The following CCDC150 variants were observed in gnomAD, a reference collection of about 807,000 sequenced individuals.
CCDC150 encodes coiled-coil domain-containing protein 150.
Under a neutral mutation model 156.5 loss-of-function variants are expected in CCDC150, and 151 were observed. The ratio of observed to expected loss-of-function variants is 0.97; its 90% CI spans 0.85 to 1.10. The LOEUF (loss-of-function observed/expected upper bound fraction) is 1.10. Ranked by LOEUF, CCDC150 falls within the 50% of genes least tolerant of loss-of-function variation. The pLI is 0.00. For synonymous variants in CCDC150, 452 were observed against 429.4 expected, an observed-to-expected ratio of 1.05 and a Z score of -0.65; for missense variants, 1,312 against 1,268.1, an observed-to-expected ratio of 1.03 and a Z score of -0.53.
intron 8 of CCDC150, among the ~76,000 whole-genome samples, 193 bp from the exon 9 acceptor site, chr2:196,672,152 T>C (rs1247749682): frequency 1.3e-5 from 2 of 152,166 alleles, no homozygotes. Flanking sequence ...GATAAATAGT[T>C]TTGAAATAAA....
chr2:196,653,263 A>AT (rs1692986629), intron 2 of CCDC150, among the ~76,000 whole-genome samples: 2 of 152,162 alleles, frequency 1.3e-5, no homozygotes, highest in Non-Finnish European at 2.9e-5. Context: ...AATTTTCCAA[A>AT]TTTTTATACT....
intron 22 of CCDC150, 81 bp downstream of exon 22, chr2:196,726,180 T>A: frequency 6.6e-7 from 1 of 1,505,192 alleles, no homozygotes; most frequent in Non-Finnish European, 9.1e-7. Context: ...ATGGCTACAG[T>A]TGTTCTTTGA....
chr2:196,670,339 G>A (rs995872707), intron 8 of CCDC150, among the ~76,000 whole-genome samples: 3 of 151,924 alleles, frequency 2.0e-5, no homozygotes, highest in Non-Finnish European at 2.9e-5. Flanking sequence ...TTGATGTGTC[G>A]ATTCTACTTC....
chr2:196,690,968 G>T (rs989501546), intron 13 of CCDC150, among the ~76,000 whole-genome samples: 1 of 152,066 alleles, frequency 6.6e-6, no homozygotes, highest in Non-Finnish European at 1.5e-5. Flanking sequence ...ATAATCATGT[G>T]GTTTTTCTCT....
chr2:196,705,399 T>C (rs1696549128), intron 15 of CCDC150, among the ~76,000 whole-genome samples: 1 of 152,146 alleles, frequency 6.6e-6, no homozygotes, highest in Non-Finnish European at 1.5e-5. Flanking sequence ...TTTGATGGGG[T>C]TGTTTTCTTG....
chr2:196,661,032 C>T (rs1218871204), intron 5 of CCDC150, among the ~76,000 whole-genome samples: 5 of 152,100 alleles, frequency 3.3e-5, no homozygotes, highest in Admixed American at 6.6e-5. Context: ...CCAGTGTTTC[C>T]AGCACCATTT....
chr2:196,687,116 G>A (rs1305633412), intron 13 of CCDC150, among the ~76,000 whole-genome samples: 7 of 152,040 alleles, frequency 4.6e-5, no homozygotes, highest in Admixed American at 3.3e-4. Context: ...TATTCCTTTG[G>A]GTATATACCC....
intron 17 of CCDC150, among the ~76,000 whole-genome samples, chr2:196,715,743 A>C (rs1199154061): frequency 1.3e-5 from 2 of 152,190 alleles, no homozygotes; most frequent in Non-Finnish European, 2.9e-5. Context: ...GTAAACCCTG[A>C]AACTGTAAAA....
At chr2:196,649,117 G>C (rs1303365744) in intron 2 of CCDC150, among the ~76,000 whole-genome samples, 3 of 152,084 alleles carry the variant, frequency 2.0e-5, no homozygotes, top group Admixed American at 1.3e-4. Flanking sequence ...TGGCTATTTT[G>C]GGGGTCTTTT....
Position 196,657,110 on chromosome 2 carries a change from A to C in CCDC150, c.550A>C (p.Thr184Pro). 1 of 1,613,754 alleles carries C rather than the reference A, an allele frequency of 6.2e-7. No individual in the cohort carries two copies. The highest frequency in any genetic ancestry group is 8.5e-7 in the Non-Finnish European group (1 of 1,179,716). The change falls in exon 4 of 28, where the codon ACT becomes CCT. Residue 184 changes from threonine to proline, a missense_variant. Transcript: ENST00000389175. ...AGATGAGGTGCAAAGGTTGACTGCC[A>C]CTCTGAAGATTGCCTCGCAGACAAA... The part of the protein sequence containing the change: ...AQDEVQRLTA[T>P]LKIASQTKKN...
intron 14 of CCDC150, among the ~76,000 whole-genome samples, chr2:196,698,440 A>G (rs1695960588): frequency 6.6e-6 from 1 of 152,188 alleles, no homozygotes; most frequent in Non-Finnish European, 1.5e-5. Flanking sequence ...AATTGTATTG[A>G]TAGGGAAAAA....
intron 2 of CCDC150, among the ~76,000 whole-genome samples, chr2:196,651,269 T>G (rs1341520040): frequency 6.6e-6 from 1 of 152,216 alleles, no homozygotes; most frequent in Non-Finnish European, 1.5e-5. Context: ...CTATAGTTGT[T>G]TTTATTAGTT....
intron 13 of CCDC150, among the ~76,000 whole-genome samples, chr2:196,690,418 A>C (rs1020490079): frequency 1.3e-5 from 2 of 152,200 alleles, no homozygotes; most frequent in African/African-American, 4.8e-5. Flanking sequence ...AAACGTTTTA[A>C]TTGTACATAT....
In CCDC150 at chr2:196,639,784, G is replaced by T. The variant is rs780514576; in HGVS notation, c.12+6G>T. 1 of 1,578,778 alleles carries T rather than the reference G, an allele frequency of 6.3e-7. No homozygotes were observed. Among genetic ancestry groups the T allele is most frequent in the South Asian group, 1.2e-5 (1 of 85,968 alleles). ...GCGGACAGATGGACTGTAAGGTGAG[G>T]CTGCCGGGCCCCGGGCTGGTGAGGG... On this transcript the variant is annotated splice_donor_region_variant and intron_variant, in intron 1 of 27. Coordinates refer to ENST00000389175, the MANE Select transcript of CCDC150 (RefSeq NM_001080539.2).
intron 5 of CCDC150, among the ~76,000 whole-genome samples, chr2:196,665,283 CT>C (rs1038605544): frequency 1.1e-4 from 16 of 152,072 alleles, no homozygotes; most frequent in Non-Finnish European, 1.9e-4. Flanking sequence ...TTATTTTTTC[CT>C]TTTTCTGAGT....
At position 196,709,543 on chromosome 2, in the gene CCDC150, C is replaced by T. The variant is rs376237338; in HGVS notation, c.1696-2602C>T. Among the ~76,000 whole-genome samples the T allele has an allele frequency of 2.8e-4, 42 of 152,244 alleles. No homozygotes were observed. In the East Asian group the frequency reaches 3.1e-3, roughly 11 times the overall value. On this transcript the variant is annotated intron_variant, in intron 15 of 27. Transcript: ENST00000389175. ...AGTCATTCTCTGTCCAGCTTTGTTCCGTTGCTGGTGAGGAGCTGTGATCCT... is the reference window on the plus strand; with the variant it reads ...AGTCATTCTCTGTCCAGCTTTGTTCTGTTGCTGGTGAGGAGCTGTGATCCT...
chr2:196,709,723 A>C (rs564769278), intron 15 of CCDC150, among the ~76,000 whole-genome samples: 1 of 152,242 alleles, frequency 6.6e-6, no homozygotes, highest in South Asian at 2.1e-4. Flanking sequence ...TGTTGATGCT[A>C]TTCCTTTTTG....
Position 196,701,102 on chromosome 2 carries a change from T to G in CCDC150, c.1624-7T>G, listed in dbSNP as rs1696175400. The G allele has an allele frequency of 1.9e-6, 3 of 1,603,152 alleles. No homozygotes were observed. Among genetic ancestry groups the G allele is most frequent in the Non-Finnish European group, 1.7e-6 (2 of 1,174,722 alleles). ...AGAGGTTCTGATGCCTTTGTTTGCC[T>G]TATCAGCTTGCCCAACAGAAGGTGG... On this transcript the variant is annotated splice_region_variant and splice_polypyrimidine_tract_variant and intron_variant, in intron 14 of 27. Transcript: ENST00000389175.
intron 15 of CCDC150, among the ~76,000 whole-genome samples, chr2:196,705,083 G>A (rs149193733): frequency 1.4e-3 from 208 of 152,286 alleles, no homozygotes; most frequent in African/African-American, 4.9e-3. Flanking sequence ...TGGGATGGCT[G>A]GGTCAAATGG....
Sources: allele counts gnomAD v4.1 joint callset (sites outside exome capture counted in the v4.1 genomes callset), GRCh38; gene constraint gnomAD v4.1.1; transcripts MANE v1.5; gene names NCBI Gene and HGNC (gene_info 2026-07-23, HGNC 2026-07-21).